Variants in CCNY observed in about 807,000 individuals in gnomAD.
CCNY encodes cyclin-Y.
A neutral mutation model predicts 42.8 loss-of-function variants in CCNY; 19 were observed. The ratio of observed to expected loss-of-function variants is 0.44; its 90% CI spans 0.31 to 0.65. The LOEUF (loss-of-function observed/expected upper bound fraction) is 0.65, where lower values mean the gene tolerates loss of function less well. Among genes scored for constraint, CCNY ranks in the 30% least tolerant of loss-of-function variants. The pLI is 0.07. For synonymous variants in CCNY, 165 were observed against 162.7 expected, an observed-to-expected ratio of 1.01 and a Z score of -0.11; for missense variants, 370 against 437.3, an observed-to-expected ratio of 0.85 and a Z score of 1.37.
intron 1 of CCNY, among the ~76,000 whole-genome samples, chr10:35,443,065 A>G (rs1838709188): frequency 6.6e-6 from 1 of 152,246 alleles, no homozygotes; most frequent in South Asian, 2.1e-4. Flanking sequence ...AATACGGTAT[A>G]GAAGATAAAA....
At chr10:35,434,779 T>C (rs999329952) in intron 1 of CCNY, among the ~76,000 whole-genome samples, 61 of 152,214 alleles carry the variant, frequency 4.0e-4, no homozygotes, top group African/African-American at 1.2e-3. Context: ...TTGACCCATG[T>C]CTAGGCACAT....
At chr10:35,391,920 A>G (rs919145661) in intron 1 of CCNY, among the ~76,000 whole-genome samples, 1 of 151,892 alleles carries the variant, frequency 6.6e-6, no homozygotes, top group Non-Finnish European at 1.5e-5. Flanking sequence ...TGCTGGCCTC[A>G]CTTCTCCCAT....
chr10:35,384,130 A>T (rs547945837), intron 1 of CCNY, among the ~76,000 whole-genome samples: 1 of 152,188 alleles, frequency 6.6e-6, no homozygotes, highest in Non-Finnish European at 1.5e-5. Flanking sequence ...CAGAATAGCT[A>T]TATAAACCCA....
At chr10:35,310,210 A>G (rs113156152) in intron 3 of CCNY, among the ~76,000 whole-genome samples, 1 of 152,154 alleles carries the variant, frequency 6.6e-6, no homozygotes, top group African/African-American at 2.4e-5. Flanking sequence ...ATTTCATTTC[A>G]CATAATGTCC....
intron 2 of CCNY, among the ~76,000 whole-genome samples, chr10:35,496,226 T>C (rs1840000452): frequency 6.6e-6 from 1 of 152,248 alleles, no homozygotes; most frequent in Admixed American, 6.5e-5. Context: ...CTTTGTAGAA[T>C]AGCACAGCTC....
intron 1 of CCNY, among the ~76,000 whole-genome samples, chr10:35,480,617 A>G (rs1261300453): frequency 6.6e-6 from 1 of 152,136 alleles, no homozygotes; most frequent in East Asian, 1.9e-4. Context: ...CAGTCCAGCC[A>G]CTCAGAGGGT....
chr10:35,265,029 G>C (rs1036907172), intron 3 of CCNY, among the ~76,000 whole-genome samples: 1 of 152,152 alleles, frequency 6.6e-6, no homozygotes, highest in African/African-American at 2.4e-5. Context: ...AGATGGATAG[G>C]TTGGGAAAAT....
intron 1 of CCNY, among the ~76,000 whole-genome samples, chr10:35,452,227 T>C (rs114211104): frequency 0.01 from 1,543 of 152,324 alleles, 38 homozygotes; most frequent in African/African-American, 0.036. Flanking sequence ...GACAGTAGTT[T>C]ATACTGCATT....
chr10:35,509,166 G>A (rs1011158902), intron 3 of CCNY, among the ~76,000 whole-genome samples: 15 of 151,966 alleles, frequency 9.9e-5, no homozygotes, highest in Admixed American at 1.3e-4. Context: ...TTATTTTCTC[G>A]CTTTCATAGA....
At chr10:35,270,195 T>A (rs1187630968) in intron 3 of CCNY, among the ~76,000 whole-genome samples, 1 of 151,892 alleles carries the variant, frequency 6.6e-6, no homozygotes, top group African/African-American at 2.4e-5. Context: ...TCATTCAGGG[T>A]GAAAAAAGGA....
At chr10:35,269,953 A>G (rs903636025) in intron 3 of CCNY, among the ~76,000 whole-genome samples, 1 of 152,178 alleles carries the variant, frequency 6.6e-6, no homozygotes. Context: ...ACAAAGTACT[A>G]GAACATGAAC....
chr10:35,508,296 A>C (rs961942127), intron 3 of CCNY, among the ~76,000 whole-genome samples: 3 of 152,094 alleles, frequency 2.0e-5, no homozygotes, highest in Non-Finnish European at 4.4e-5. Context: ...CTGCTTTTCT[A>C]ATGATACCTA....
chr10:35,551,833 C>A (rs900966262), intron 7 of CCNY, among the ~76,000 whole-genome samples: 2 of 152,182 alleles, frequency 1.3e-5, no homozygotes, highest in African/African-American at 4.8e-5. Context: ...TATACGACTT[C>A]ACACACATTA....
intron 3 of CCNY, among the ~76,000 whole-genome samples, chr10:35,326,816 G>C (rs537184443): frequency 6.6e-6 from 1 of 152,170 alleles, no homozygotes; most frequent in Non-Finnish European, 1.5e-5. Flanking sequence ...TGGAACCCAG[G>C]GGTTGGAGGC....
chr10:35,469,226 GCTTTCTTGCCACA>G (rs1198065374), intron 1 of CCNY, among the ~76,000 whole-genome samples: 1 of 152,202 alleles, frequency 6.6e-6, no homozygotes, highest in Admixed American at 6.5e-5. Flanking sequence ...CGTTGACCCT[GCTTTCTTGCCACA>G]CTTATAGGCA....
chr10:35,412,695 CAA>C (rs397845404), intron 1 of CCNY, among the ~76,000 whole-genome samples: 8 of 126,098 alleles, frequency 6.3e-5, no homozygotes, highest in Non-Finnish European at 6.8e-5. Context: ...TACTAAAATA[CAA>C]AAAAAAAAAA....
intron 2 of CCNY, among the ~76,000 whole-genome samples, chr10:35,493,123 T>C (rs1839935616): frequency 6.6e-6 from 1 of 152,174 alleles, no homozygotes; most frequent in South Asian, 2.1e-4. Flanking sequence ...CCTTGGGCTT[T>C]CCAGTGTGGA....
intron 3 of CCNY, among the ~76,000 whole-genome samples, chr10:35,260,597 A>T (rs1399631546): frequency 1.3e-5 from 2 of 152,212 alleles, no homozygotes; most frequent in African/African-American, 4.8e-5. Context: ...GAAGAATGTA[A>T]GCGCCTGTGC....
intron 7 of CCNY, among the ~76,000 whole-genome samples, chr10:35,547,690 C>T (rs191581379): frequency 1.3e-3 from 192 of 152,326 alleles, no homozygotes; most frequent in African/African-American, 4.4e-3. Flanking sequence ...TTTCAAGAGC[C>T]TGCCGGAGCC....
Sources: gnomAD v4.1 joint callset for allele counts (sites outside exome capture counted in the v4.1 genomes callset) on GRCh38, gnomAD v4.1.1 for gene constraint, MANE v1.5 for transcripts, NCBI Gene and HGNC (gene_info 2026-07-23, HGNC 2026-07-21) for gene names.